CNKSR2: variants seen among roughly 807,000 people sequenced by gnomAD.
CNKSR2 encodes connector enhancer of kinase suppressor of Ras 2.
A neutral mutation model predicts 84.4 loss-of-function variants in CNKSR2; 14 were observed. That is an observed-to-expected ratio of 0.17 (90% CI 0.11 to 0.26). The LOEUF (loss-of-function observed/expected upper bound fraction) is 0.26, where lower values mean the gene tolerates loss of function less well. Ranked by LOEUF, CNKSR2 falls within the 10% of genes least tolerant of loss-of-function variation. The pLI is 1.00. For synonymous variants in CNKSR2, 275 were observed against 277.9 expected, an observed-to-expected ratio of 0.99 and a Z score of 0.10; for missense variants, 485 against 771.2, an observed-to-expected ratio of 0.63 and a Z score of 4.40.
intron 9 of CNKSR2, among the ~76,000 whole-genome samples, chrX:21,525,624 C>A (rs908158912): frequency 9.0e-6 from 1 of 110,731 alleles, no homozygotes; most frequent in Admixed American, 9.7e-5. Context: ...ATGTAGCCTA[C>A]CCCAGTGACT....
Position 21,563,359 on chromosome X carries a change from C to G in CNKSR2, c.1515C>G (p.Ser505Arg). ...KSKKKGDKSN[S>R]PTHYSLLPSL... ...AAAAGAAGGGTGATAAGAGTAATAG[C>G]CCAACTCACTATTCATTGCTACCTA... The change falls in exon 13 of 22, where the codon AGC becomes AGG. Residue 505 changes from serine (S) to arginine (R), a missense_variant. Physicochemically the swap from Ser to Arg is moderately radical, Grantham distance 110. This residue lies in a region of CNKSR2 where 132 missense variants were observed against 166.7 expected (regional missense o/e 0.79). Coordinates refer to ENST00000379510, the MANE Select transcript of CNKSR2 (RefSeq NM_014927.5). 1 of 1,209,675 alleles carries G rather than the reference C, an allele frequency of 8.3e-7. No homozygotes were observed. The highest frequency in any genetic ancestry group is 1.1e-6 in the Non-Finnish European group (1 of 893,950).
At chrX:21,632,950 G>A (rs2092654200) in intron 20 of CNKSR2, among the ~76,000 whole-genome samples, 1 of 108,837 alleles carries the variant, frequency 9.2e-6, no homozygotes, top group African/African-American at 3.4e-5. Context: ...ATGTTAGTAT[G>A]TGTATATAGG....
intron 2 of CNKSR2, among the ~76,000 whole-genome samples, chrX:21,431,312 C>T (rs1173263789): frequency 9.0e-6 from 1 of 111,534 alleles, no homozygotes; most frequent in Non-Finnish European, 1.9e-5. Flanking sequence ...ATTATTGTTA[C>T]CATGTTTCTG....
At chrX:21,638,568 T>G (rs1431121243) in intron 20 of CNKSR2, among the ~76,000 whole-genome samples, 1 of 111,699 alleles carries the variant, frequency 9.0e-6, no homozygotes, top group East Asian at 2.8e-4. Context: ...CAAGATCTGT[T>G]TCTTCTTAAC....
rs146975992 is a variant in CNKSR2 at position 21,420,245 on chromosome X, A to G, written c.65-6252A>G. Among the ~76,000 whole-genome samples the G allele has an allele frequency of 3.7e-3, 421 of 112,375 alleles. 1 individual carries two copies. Among genetic ancestry groups the G allele is most frequent in the African/African-American group, 0.013 (413 of 30,955 alleles). Reference sequence around the variant, plus strand: ...TTCCTTAAGGCCTGAGGTCTCTTCAATCAGCTTGTAGCGAATGCTGCCTGG... The same window carrying G: ...TTCCTTAAGGCCTGAGGTCTCTTCAGTCAGCTTGTAGCGAATGCTGCCTGG... On this transcript the variant is annotated intron_variant, in intron 1 of 21. Coordinates refer to ENST00000379510, the MANE Select transcript of CNKSR2 (RefSeq NM_014927.5).
intron 20 of CNKSR2, among the ~76,000 whole-genome samples, chrX:21,613,539 G>T (rs1320783920): frequency 8.9e-6 from 1 of 112,134 alleles, no homozygotes; most frequent in Non-Finnish European, 1.9e-5. Context: ...TTTTAAGGGG[G>T]AATAAAATCT....
At chrX:21,532,111 C>G (rs201472068) in intron 11 of CNKSR2, 44 bp downstream of exon 11, 6 of 972,842 alleles carry the variant, frequency 6.2e-6, no homozygotes. Context: ...ATATTTCTGG[C>G]ATAGGAATCT....
chrX:21,643,680 G>A (rs2092698456), intron 20 of CNKSR2: 1 of 111,618 alleles, frequency 9.0e-6, no homozygotes, highest in African/African-American at 3.2e-5. Context: ...TTTCCCAATA[G>A]TAATGTTTGT....
intron 20 of CNKSR2, among the ~76,000 whole-genome samples, chrX:21,614,400 G>A (rs1340275619): frequency 2.7e-5 from 3 of 111,335 alleles, no homozygotes; most frequent in Admixed American, 1.9e-4. Context: ...ATTTTAAAGA[G>A]CATAATCATC....
intron 17 of CNKSR2, 40 bp from the exon 18 acceptor site, chrX:21,601,242 T>C: frequency 1.2e-6 from 1 of 806,038 alleles, no homozygotes; most frequent in Non-Finnish European, 1.8e-6. Flanking sequence ...TATAAGAAAT[T>C]AGGTTACAAT....
rs183207461 is a variant in CNKSR2, at chrX:21,508,156, C to T, written c.810+6568C>T. 9.5e-3 allele frequency among the ~76,000 whole-genome samples: 1,062 copies of T among 111,309 alleles called. 4 individuals are homozygous for T. Among genetic ancestry groups the T allele is most frequent in the Non-Finnish European group, 0.015 (821 of 52,979 alleles). ...CAGCCTGGGCAACATAGCGAGACCA[C>T]GTCTCTACAGAAAATTTTTAAAAAT... On this transcript the variant is annotated intron_variant, in intron 8 of 21. Coordinates refer to ENST00000379510, the MANE Select transcript of CNKSR2 (RefSeq NM_014927.5).
intron 1 of CNKSR2, among the ~76,000 whole-genome samples, chrX:21,402,757 C>T (rs1356556304): frequency 9.0e-6 from 1 of 110,819 alleles, no homozygotes; most frequent in Non-Finnish European, 1.9e-5. Context: ...ACAAGTTCAT[C>T]AAACCTGTGA....
intron 1 of CNKSR2, among the ~76,000 whole-genome samples, chrX:21,418,628 A>G (rs939524538): frequency 3.6e-5 from 4 of 111,113 alleles, no homozygotes; most frequent in Admixed American, 9.6e-5. Flanking sequence ...CTGCTGGCCT[A>G]TAAGTTTTCC....
intron 3 of CNKSR2, among the ~76,000 whole-genome samples, chrX:21,440,022 T>G (rs1387540136): frequency 2.7e-5 from 3 of 110,191 alleles, no homozygotes; most frequent in Admixed American, 9.7e-5. Flanking sequence ...ATTACCAAAC[T>G]AAATCTAAAC....
intron 10 of CNKSR2, 116 bp from the exon 11 acceptor site, chrX:21,531,740 T>C (rs2091888142): frequency 2.4e-6 from 1 of 420,565 alleles, no homozygotes; most frequent in Non-Finnish European, 4.0e-6. Flanking sequence ...CAAAGAAAGT[T>C]TGAAAAGGTC....
chrX:21,609,670 T>C, intron 20 of CNKSR2, 53 bp downstream of exon 20: 1 of 1,105,311 alleles, frequency 9.0e-7, no homozygotes. Context: ...CCTGACCTTT[T>C]CAAACTTCTT....
At chrX:21,477,927 TG>T (rs1382372235) in intron 5 of CNKSR2, among the ~76,000 whole-genome samples, 1 of 112,229 alleles carries the variant, frequency 8.9e-6, no homozygotes, top group African/African-American at 3.2e-5. Context: ...GATGCTGTGA[TG>T]AAGCAGCTTT....
intron 8 of CNKSR2, among the ~76,000 whole-genome samples, chrX:21,513,927 GTTTA>G (rs986400771): frequency 1.8e-5 from 2 of 111,333 alleles, no homozygotes; most frequent in Admixed American, 9.6e-5. Flanking sequence ...TATTTTGTTG[GTTTA>G]TTTGTTTGTT....
rs191729372 is a variant in CNKSR2 at position 21,594,902 on chromosome X, C to T, written c.1831-72C>T. The T allele has an allele frequency of 8.5e-4, 652 of 767,724 alleles. 4 individuals carry two copies. The highest frequency in any genetic ancestry group is 1.5e-4 in the Non-Finnish European group (78 of 514,405). 63.3% of individuals were successfully genotyped at this position (767,724 alleles called of 1,213,427 possible). A position where few individuals can be genotyped will look rare whatever the true frequency, so the allele number is the denominator to read the frequency against. On this transcript the variant is annotated intron_variant, in intron 15 of 21. Transcript: ENST00000379510. ...GGATTTATTAGTACAGATATCTAAG[C>T]CATAGTTACAGAGTATCATTACCTT...
Sources: allele counts gnomAD v4.1 joint callset (sites outside exome capture counted in the v4.1 genomes callset), GRCh38; gene constraint gnomAD v4.1.1; regional missense constraint gnomAD v4.1.1; transcripts MANE v1.5; gene names NCBI Gene and HGNC (gene_info 2026-07-23, HGNC 2026-07-21).